Variants in JPH2 observed in about 807,000 individuals in gnomAD.
JPH2 encodes the protein junctophilin 2.
A neutral mutation model predicts 55.9 loss-of-function variants in JPH2; 38 were observed. The ratio of observed to expected loss-of-function variants is 0.68; its 90% CI spans 0.52 to 0.89. The LOEUF (loss-of-function observed/expected upper bound fraction) is 0.89, where lower values mean the gene tolerates loss of function less well. Among genes scored for constraint, JPH2 ranks in the 40% least tolerant of loss-of-function variants. The pLI, the probability that JPH2 is intolerant of heterozygous loss-of-function variation, is 0.00. For synonymous variants in JPH2, 480 were observed against 472.4 expected, an observed-to-expected ratio of 1.02 and a Z score of -0.21; for missense variants, 964 against 1,037.6, an observed-to-expected ratio of 0.93 and a Z score of 0.97.
chr20:44,175,337 C>G (rs1014497908), intron 1 of JPH2, among the ~76,000 whole-genome samples: 2 of 152,234 alleles, frequency 1.3e-5, no homozygotes, highest in Non-Finnish European at 2.9e-5. Context: ...GGGTCCACCT[C>G]TGTCTTTTTA....
intron 2 of JPH2, among the ~76,000 whole-genome samples, chr20:44,141,784 C>T (rs1304640507): frequency 1.3e-5 from 2 of 152,208 alleles, no homozygotes; most frequent in Non-Finnish European, 2.9e-5. Flanking sequence ...GCTGGGATTA[C>T]AGGCAGGAGC....
chr20:44,180,548 G>C (rs1488857000), intron 1 of JPH2, among the ~76,000 whole-genome samples: 2 of 152,102 alleles, frequency 1.3e-5, no homozygotes, highest in Non-Finnish European at 2.9e-5. Context: ...ATGTTGCCCA[G>C]GCTGGTCTTG....
At chr20:44,150,426 G>A (rs2145871554) in intron 2 of JPH2, among the ~76,000 whole-genome samples, 1 of 152,282 alleles carries the variant, frequency 6.6e-6, no homozygotes, top group African/African-American at 2.4e-5. Context: ...TTCATGGATT[G>A]GAAGACTTAA....
Position 44,107,367 on chromosome 20 carries a change from T to C in JPH2, c.*6151A>G, listed in dbSNP as rs1332721532. 1.3e-5 allele frequency among the ~76,000 whole-genome samples: 2 copies of C among 152,062 alleles called. No homozygotes were observed. Among genetic ancestry groups the C allele is most frequent in the East Asian group, 3.9e-4 (2 of 5,194 alleles). ...TTTACCAAAACCCACATCCTTCTCT[T>C]CTCCCTGAGGACACATGTAGTCCGT... On this transcript the variant is annotated 3_prime_UTR_variant, in exon 6 of 6. Coordinates refer to ENST00000372980, the MANE Select transcript of JPH2 (RefSeq NM_020433.5).
chr20:44,130,349 C>T (rs776405861), intron 2 of JPH2, among the ~76,000 whole-genome samples: 4 of 152,344 alleles, frequency 2.6e-5, no homozygotes, highest in African/African-American at 4.8e-5. Context: ...AAGAGGCCCC[C>T]GAGTTTTATA....
chr20:44,178,885 A>G (rs1004625198), intron 1 of JPH2, among the ~76,000 whole-genome samples: 1 of 152,212 alleles, frequency 6.6e-6, no homozygotes, highest in Non-Finnish European at 1.5e-5. Context: ...TCTGCAAGGA[A>G]CATGTATCAC....
chr20:44,129,319 C>A (rs1404342070), intron 2 of JPH2, among the ~76,000 whole-genome samples: 3 of 152,132 alleles, frequency 2.0e-5, no homozygotes, highest in Admixed American at 2.0e-4. Context: ...CTTTGGGAGG[C>A]AGAGGCAGGT....
chr20:44,126,800 C>G (rs896950753), intron 2 of JPH2, among the ~76,000 whole-genome samples: 1 of 152,190 alleles, frequency 6.6e-6, no homozygotes, highest in Non-Finnish European at 1.5e-5. Flanking sequence ...CAGTGCCCTC[C>G]TGGGAAGCCC....
At chr20:44,115,633 G>T in intron 4 of JPH2, 32 bp downstream of exon 4, 1 of 1,611,344 alleles carries the variant, frequency 6.2e-7, no homozygotes. Flanking sequence ...TAGGGAACCC[G>T]ACCTTAGGCA....
Position 44,121,723 on chromosome 20 carries a change from G to A in JPH2, c.1170-3100C>T, listed in dbSNP as rs565587404. Among the ~76,000 whole-genome samples, 19 of 152,082 alleles carry A rather than the reference G, an allele frequency of 1.2e-4. No individual in the cohort carries two copies. In the South Asian group the frequency reaches 1.9e-3, roughly 15 times the overall value. On this transcript the variant is annotated intron_variant, in intron 2 of 5. Transcript: ENST00000372980. ...AGAACCCAAGCCAGCATGGTGGCTC[G>A]TGCTTGTAATCCCAGCACTTTGGGA...
At position 44,160,329 on chromosome 20, in the gene JPH2, A is replaced by ACGGCCATCC. The variant is rs753525812; in HGVS notation, c.449_457dup (p.Gly150_Ala152dup). On this transcript the variant is annotated inframe_insertion, in exon 2 of 6. Coordinates refer to ENST00000372980, the MANE Select transcript of JPH2 (RefSeq NM_020433.5). The surrounding 1 kb of genome is among the most constrained non-coding windows in gnomAD (Gnocchi z 4.9). ...CGTGCGCAGCGGCGAGCGCACCACC[A>ACGGCCATCC]CGGCCATCCCGTAGGGCACGCTCTG... is the stretch of plus-strand genomic sequence containing the variant. 1.9e-6 allele frequency: 3 copies of ACGGCCATCC among 1,572,816 alleles called. No individual in the cohort carries two copies. The highest frequency in any genetic ancestry group is 1.7e-6 in the Non-Finnish European group (2 of 1,160,000).
intron 2 of JPH2, among the ~76,000 whole-genome samples, chr20:44,153,670 C>T (rs2072546417): frequency 1.3e-5 from 2 of 152,216 alleles, no homozygotes; most frequent in South Asian, 2.1e-4. Flanking sequence ...CACGGGGGCA[C>T]AACAGCAGGA....
intron 1 of JPH2, among the ~76,000 whole-genome samples, chr20:44,185,468 A>AT (rs201881379): frequency 0.066 from 3,932 of 59,150 alleles, 199 homozygotes; most frequent in African/African-American, 0.25. Flanking sequence ...TACAAAAAAA[A>AT]AAATAATAAT....
chr20:44,116,477 A>G, intron 3 of JPH2, 91 bp from the exon 4 acceptor site: 1 of 1,429,060 alleles, frequency 7.0e-7, no homozygotes, highest in Non-Finnish European at 9.5e-7. Context: ...AGCCTCATTC[A>G]TGGGCTCAGT....
chr20:44,149,907 G>C (rs1201068109), intron 2 of JPH2, among the ~76,000 whole-genome samples: 2 of 147,894 alleles, frequency 1.4e-5, no homozygotes, highest in Admixed American at 6.8e-5. Context: ...GAACCTGGGA[G>C]GCAGAGGTTG....
chr20:44,126,521 T>A (rs569515329), intron 2 of JPH2, among the ~76,000 whole-genome samples: 4 of 152,234 alleles, frequency 2.6e-5, no homozygotes, highest in Non-Finnish European at 5.9e-5. Context: ...TGGCTGGTCA[T>A]GACCATCTAC....
intron 1 of JPH2, among the ~76,000 whole-genome samples, chr20:44,169,989 T>A (rs770087959): frequency 9.2e-5 from 14 of 152,168 alleles, no homozygotes; most frequent in Non-Finnish European, 1.6e-4. Flanking sequence ...CTGCCTAGCC[T>A]CCAGAACTCT....
At chr20:44,151,714 G>C (rs1348282628) in intron 2 of JPH2, among the ~76,000 whole-genome samples, 1 of 152,062 alleles carries the variant, frequency 6.6e-6, no homozygotes, top group Non-Finnish European at 1.5e-5. Flanking sequence ...GAACCTTTTA[G>C]CTTGTAACGT....
chr20:44,116,247 C>T lies in JPH2; in HGVS notation c.1428G>A (p.Glu476=). Residue 476 remains glutamate, a synonymous_variant, in exon 4 of 6, where the codon GAG becomes GAA. Coordinates refer to ENST00000372980, the MANE Select transcript of JPH2 (RefSeq NM_020433.5). ...GGGAGCCACCCTCGGGCCGAGGGGT[C>T]TCACGCTCGTGCAGCTGCGGGCTCT... ...PRESPQLHER[E]TPRPEGGSPS... is the part of the protein sequence containing the mutation. 3 of 1,496,086 alleles carry T rather than the reference C, an allele frequency of 2.0e-6. No individual in the cohort carries two copies. The highest frequency in any genetic ancestry group is 1.4e-5 in the African/African-American group (1 of 69,628). The allele number at this position is 1,496,086 out of a possible 1,614,324, so 92.7% of individuals were successfully genotyped here. A position where few individuals can be genotyped will look rare whatever the true frequency, so the allele number is the denominator to read the frequency against.
Sources: allele counts gnomAD v4.1 joint callset (sites outside exome capture counted in the v4.1 genomes callset), GRCh38; gene constraint gnomAD v4.1.1; non-coding constraint Gnocchi (gnomAD v3.1); transcripts MANE v1.5; gene names NCBI Gene and HGNC (gene_info 2026-07-23, HGNC 2026-07-21).